AKR1C8: variants seen among roughly 807,000 people sequenced by gnomAD.
The protein encoded by AKR1C8 is aldo-keto reductase family 1 member C-like protein 1.
the AKR1C8 span, among the ~76,000 whole-genome samples, chr10:5,141,436 C>T: frequency 6.6e-6 from 1 of 152,102 alleles, no homozygotes; most frequent in Non-Finnish European, 1.5e-5. Flanking sequence ...GAATTTCTTA[C>T]AAATTTTCAT....
At chr10:5,136,831 G>A in the AKR1C8 span, among the ~76,000 whole-genome samples, 1 of 152,154 alleles carries the variant, frequency 6.6e-6, no homozygotes, top group African/African-American at 2.4e-5. Flanking sequence ...CCAAAGAAAA[G>A]GTGTGATAGC....
the AKR1C8 span, among the ~76,000 whole-genome samples, chr10:5,165,364 A>G: frequency 6.6e-6 from 1 of 152,120 alleles, no homozygotes; most frequent in African/African-American, 2.4e-5. Context: ...TTTGCCTAAC[A>G]TTTCAGACCC....
chr10:5,120,872 G>A, the AKR1C8 span, among the ~76,000 whole-genome samples: 911 of 152,042 alleles, frequency 6.0e-3, 5 homozygotes, highest in African/African-American at 0.021. Context: ...TACCAGTTTG[G>A]AGTGTAGAAG....
chr10:5,168,226 CATT>C, the AKR1C8 span, among the ~76,000 whole-genome samples: 1 of 151,972 alleles, frequency 6.6e-6, no homozygotes, highest in African/African-American at 2.4e-5. Flanking sequence ...TCTTTGTAAG[CATT>C]ATAAAATTGA....
At chr10:5,132,791 G>T in the AKR1C8 span, 1 of 1,102,364 alleles carries the variant, frequency 9.1e-7, no homozygotes, top group Non-Finnish European at 1.3e-6. Flanking sequence ...ATGAAAAGTA[G>T]TATTTGGTGA....
the AKR1C8 span, chr10:5,154,403 C>T: frequency 8.9e-6 from 2 of 225,940 alleles, no homozygotes; most frequent in Non-Finnish European, 1.9e-5. Flanking sequence ...CATAAAGATA[C>T]TTGTTAGTAA....
At chr10:5,126,426 T>C in the AKR1C8 span, among the ~76,000 whole-genome samples, 15 of 152,174 alleles carry the variant, frequency 9.9e-5, no homozygotes, top group African/African-American at 3.6e-4. Flanking sequence ...GGGAAGTGCA[T>C]AGCTTTCCTG....
the AKR1C8 span, chr10:5,123,917 T>C: frequency 7.9e-7 from 1 of 1,263,540 alleles, no homozygotes; most frequent in Non-Finnish European, 1.1e-6. Context: ...TGAATAAATA[T>C]GTGTAGCATC....
At chr10:5,135,803 A>G in the AKR1C8 span, among the ~76,000 whole-genome samples, 1 of 152,174 alleles carries the variant, frequency 6.6e-6, no homozygotes, top group African/African-American at 2.4e-5. Flanking sequence ...ACAGGTGACA[A>G]TAAAAAAGTT....
chr10:5,160,091 GT>G, the AKR1C8 span: 4 of 287,886 alleles, frequency 1.4e-5, 1 homozygote, highest in Non-Finnish European at 3.0e-5. Context: ...CTGGAAATCT[GT>G]TTTAACATAT....
At chr10:5,143,398 G>T in the AKR1C8 span, among the ~76,000 whole-genome samples, 21 of 152,144 alleles carry the variant, frequency 1.4e-4, no homozygotes, top group African/African-American at 5.1e-4. Context: ...TTCACCAGTG[G>T]CCCTCAGCTT....
the AKR1C8 span, among the ~76,000 whole-genome samples, chr10:5,177,902 A>C: frequency 0.56 from 85,233 of 151,684 alleles, 24,857 homozygotes; most frequent in Non-Finnish European, 0.6. Context: ...AGTGGTCTAT[A>C]AATTTTGTTG....
At chr10:5,169,327 G>T in the AKR1C8 span, among the ~76,000 whole-genome samples, 1 of 152,084 alleles carries the variant, frequency 6.6e-6, no homozygotes, top group Non-Finnish European at 1.5e-5. Context: ...GTTGTTTCTC[G>T]CTACTTCCTG....
the AKR1C8 span, chr10:5,157,858 C>T: frequency 0.55 from 233,545 of 424,368 alleles, 66,952 homozygotes; most frequent in Non-Finnish European, 0.62. Context: ...ATCTACAGTG[C>T]GCTGCTCCTT....
chr10:5,171,161 A>T, the AKR1C8 span, among the ~76,000 whole-genome samples: 1 of 152,114 alleles, frequency 6.6e-6, no homozygotes, highest in Non-Finnish European at 1.5e-5. Flanking sequence ...TTGATGTTAC[A>T]ATCTCCAAAG....
chr10:5,138,505 C>A, the AKR1C8 span, among the ~76,000 whole-genome samples: 1 of 152,078 alleles, frequency 6.6e-6, no homozygotes, highest in African/African-American at 2.4e-5. Flanking sequence ...GCACTGATTT[C>A]ATATTGTTCA....
chr10:5,118,099 A>G, the AKR1C8 span, among the ~76,000 whole-genome samples: 1 of 152,220 alleles, frequency 6.6e-6, no homozygotes, highest in African/African-American at 2.4e-5. Context: ...ATAAAAATTC[A>G]TATCAGACTC....
the AKR1C8 span, among the ~76,000 whole-genome samples, chr10:5,124,510 A>C: frequency 6.6e-6 from 1 of 152,178 alleles, no homozygotes. Flanking sequence ...TCAGAATAAT[A>C]AAACTAGTAG....
At chr10:5,169,421 G>A in the AKR1C8 span, among the ~76,000 whole-genome samples, 2 of 152,178 alleles carry the variant, frequency 1.3e-5, no homozygotes, top group African/African-American at 4.8e-5. Flanking sequence ...AGTTGTCTAC[G>A]AAATGGCCAT....
Sources: allele counts gnomAD v4.1 joint callset (sites outside exome capture counted in the v4.1 genomes callset), GRCh38; gene constraint gnomAD v4.1.1; transcripts MANE v1.5; gene names NCBI Gene and HGNC (gene_info 2026-07-23, HGNC 2026-07-21).